Variants in CSMD1 observed in about 807,000 individuals in gnomAD.
The protein encoded by CSMD1 is CUB and sushi domain-containing protein 1.
In CSMD1, 213 loss-of-function variants were observed where a neutral mutation model predicts 417.5. The observed-to-expected ratio is 0.51, with a 90% CI of 0.46 to 0.57. The LOEUF is 0.57. CSMD1 is among the 20% of genes least tolerant of loss of function. The pLI is 0.00. For missense variants in CSMD1, 6,923 were observed against 4,529.7 expected (o/e 1.53, Z -15.17); for synonymous variants, 2,862 against 1,736.8 (o/e 1.65, Z -16.11).
intron 5 of CSMD1, among the ~76,000 whole-genome samples, chr8:3,773,403 C>G (rs1048335312): frequency 6.6e-6 from 1 of 152,162 alleles, no homozygotes; most frequent in Non-Finnish European, 1.5e-5. Context: ...TCTCCCACCT[C>G]AGCCTCCAGA....
chr8:4,317,928 G>T (rs905622312), intron 3 of CSMD1, among the ~76,000 whole-genome samples: 2 of 152,158 alleles, frequency 1.3e-5, no homozygotes, highest in African/African-American at 2.4e-5. Context: ...TGTCAAGAAT[G>T]ATGTAATATG....
At chr8:4,086,439 A>T (rs1428231968) in intron 3 of CSMD1, among the ~76,000 whole-genome samples, 1 of 152,186 alleles carries the variant, frequency 6.6e-6, no homozygotes, top group Non-Finnish European at 1.5e-5. Flanking sequence ...TTCTTAAAAT[A>T]CTACTATTAC....
chr8:4,946,638 A>G (rs1035865642), intron 1 of CSMD1, among the ~76,000 whole-genome samples: 1 of 152,214 alleles, frequency 6.6e-6, no homozygotes, highest in Non-Finnish European at 1.5e-5. Flanking sequence ...TGCCATATTT[A>G]GAATCTGACT....
chr8:3,675,456 G>A (rs1257558448), intron 7 of CSMD1, among the ~76,000 whole-genome samples: 1 of 152,184 alleles, frequency 6.6e-6, no homozygotes, highest in African/African-American at 2.4e-5. Context: ...AAATCCAAGA[G>A]AAGGTGATTG....
At chr8:3,345,138 C>A (rs371828734) in intron 22 of CSMD1, among the ~76,000 whole-genome samples, 4 of 152,190 alleles carry the variant, frequency 2.6e-5, no homozygotes, top group Non-Finnish European at 5.9e-5. Context: ...GAACTAGACA[C>A]TCAGTGAAGC....
At chr8:3,747,286 G>A (rs1253265766) in intron 6 of CSMD1, among the ~76,000 whole-genome samples, 1 of 152,140 alleles carries the variant, frequency 6.6e-6, no homozygotes, top group African/African-American at 2.4e-5. Context: ...ATCCAGGAGG[G>A]ATTCTCTAGG....
chr8:3,700,260 A>C (rs1210466207), intron 7 of CSMD1, among the ~76,000 whole-genome samples: 1 of 152,220 alleles, frequency 6.6e-6, no homozygotes, highest in African/African-American at 2.4e-5. Context: ...TATGGAAAAA[A>C]TACGAAAAAT....
At chr8:4,742,336 G>T (rs916203567) in intron 1 of CSMD1, among the ~76,000 whole-genome samples, 1 of 151,810 alleles carries the variant, frequency 6.6e-6, no homozygotes, top group Non-Finnish European at 1.5e-5. Flanking sequence ...GACCAAGGCT[G>T]AATTTTGAGA....
At chr8:4,966,532 G>C (rs1809869687) in intron 1 of CSMD1, among the ~76,000 whole-genome samples, 1 of 152,152 alleles carries the variant, frequency 6.6e-6, no homozygotes, top group Non-Finnish European at 1.5e-5. Context: ...AAACCCAACT[G>C]TCACTGTCCA....
intron 41 of CSMD1, among the ~76,000 whole-genome samples, chr8:3,134,303 G>A (rs1385292674): frequency 6.6e-6 from 1 of 152,238 alleles, no homozygotes; most frequent in Admixed American, 6.5e-5. Context: ...GGCAGTTCCT[G>A]AACCATGACC....
intron 3 of CSMD1, among the ~76,000 whole-genome samples, chr8:4,146,480 T>C (rs140834666): frequency 0.011 from 1,611 of 150,634 alleles, 29 homozygotes; most frequent in Non-Finnish European, 0.018. Context: ...GAAAAGGCTG[T>C]TTACCCAGTT....
chr8:4,252,930 G>A (rs950161671), intron 3 of CSMD1, among the ~76,000 whole-genome samples: 2 of 152,190 alleles, frequency 1.3e-5, no homozygotes, highest in African/African-American at 4.8e-5. Context: ...ACCCATGGCA[G>A]CAGAACACAC....
intron 3 of CSMD1, among the ~76,000 whole-genome samples, chr8:4,274,501 GT>G (rs1796363526): frequency 6.6e-6 from 1 of 151,988 alleles, no homozygotes; most frequent in Non-Finnish European, 1.5e-5. Context: ...GCAAATAACT[GT>G]TTCTTTAATA....
At chr8:4,632,643 C>T (rs1373291132) in intron 2 of CSMD1, among the ~76,000 whole-genome samples, 3 of 152,092 alleles carry the variant, frequency 2.0e-5, no homozygotes, top group East Asian at 3.9e-4. Context: ...ATACAAGCCC[C>T]GAGCCCCATT....
At position 3,644,966 on chromosome 8, in the gene CSMD1, G is replaced by GAAAAAAAAAAAAAAAAAA. The variant is rs71203456; in HGVS notation, c.1010-28187_1010-28170dup. Among the ~76,000 whole-genome samples, 23 of 64,518 alleles carry GAAAAAAAAAAAAAAAAAA rather than the reference G, an allele frequency of 3.6e-4. 1 individual carries two copies. Among genetic ancestry groups the GAAAAAAAAAAAAAAAAAA allele is most frequent in the African/African-American group, 1.8e-3 (22 of 12,496 alleles). The allele number at this position is 64,518 out of a possible 152,430, so 42.3% of individuals were successfully genotyped here. A position where few individuals can be genotyped will look rare whatever the true frequency, so the allele number is the denominator to read the frequency against. ...GTTACGGATCACTAAGGCTTTAAAT[G>GAAAAAAAAAAAAAAAAAA]AAAAAAAAAAAAAAAAAAAAAAAAA... On this transcript the variant is annotated intron_variant, in intron 7 of 69. Transcript: ENST00000635120.
chr8:4,393,825 G>C (rs1028827735), intron 3 of CSMD1, among the ~76,000 whole-genome samples: 2 of 152,098 alleles, frequency 1.3e-5, no homozygotes, highest in African/African-American at 4.8e-5. Context: ...CTATGTTTCT[G>C]TATCTTTTCC....
intron 23 of CSMD1, among the ~76,000 whole-genome samples, chr8:3,319,438 G>C (rs1486458997): frequency 2.0e-5 from 3 of 152,124 alleles, no homozygotes; most frequent in Non-Finnish European, 4.4e-5. Context: ...TTGATAGCTT[G>C]AGTAATTAAA....
chr8:4,885,983 T>G (rs998363830), intron 1 of CSMD1, among the ~76,000 whole-genome samples: 6 of 122,882 alleles, frequency 4.9e-5, no homozygotes, highest in Non-Finnish European at 1.1e-4. Context: ...TTTTATTTAC[T>G]TATTTACTTA....
chr8:3,305,708 G>C (rs1584965319), intron 25 of CSMD1, among the ~76,000 whole-genome samples: 1 of 152,112 alleles, frequency 6.6e-6, no homozygotes, highest in African/African-American at 2.4e-5. Flanking sequence ...TTGAGACACA[G>C]TCTCACTGTT....
Sources: gnomAD v4.1 joint callset for allele counts (sites outside exome capture counted in the v4.1 genomes callset) on GRCh38, gnomAD v4.1.1 for gene constraint, MANE v1.5 for transcripts, NCBI Gene and HGNC (gene_info 2026-07-23, HGNC 2026-07-21) for gene names.